The following VTI1A variants were observed in gnomAD, a reference collection of about 807,000 sequenced individuals.
VTI1A encodes vesicle transport through interaction with t-SNAREs homolog 1A.
In VTI1A, 22 loss-of-function variants were observed where a neutral mutation model predicts 34.9. The ratio of observed to expected loss-of-function variants is 0.63; its 90% CI spans 0.45 to 0.90. VTI1A has a LOEUF of 0.90. Ranked by LOEUF, VTI1A falls within the 40% of genes least tolerant of loss-of-function variation. The pLI is 0.00. For missense variants in VTI1A, 268 were observed against 275.6 expected (o/e 0.97, Z 0.20); for synonymous variants, 87 against 97.3 (o/e 0.89, Z 0.62).
chr10:112,700,131 A>AC lies in VTI1A; in HGVS notation c.560+31133_560+31134insC, dbSNP rs1435501400. Reference sequence around the variant, plus strand: ...AGACTCCATCTCAAAAAAAAAAAAAAAAAACAAAACAAAAAAAAAAAAACA... The same window carrying AC: ...AGACTCCATCTCAAAAAAAAAAAAAACAAAACAAAACAAAAAAAAAAAAACA... On this transcript the variant is annotated intron_variant, in intron 7 of 7. Coordinates refer to ENST00000393077, the MANE Select transcript of VTI1A (RefSeq NM_145206.4). Among the ~76,000 whole-genome samples the AC allele has an allele frequency of 3.4e-3, 475 of 140,038 alleles. 3 individuals carry two copies. Among genetic ancestry groups the AC allele is most frequent in the South Asian group, 0.011 (50 of 4,752 alleles). 91.9% of individuals were successfully genotyped at this position (140,038 alleles called of 152,430 possible). A position where few individuals can be genotyped will look rare whatever the true frequency, so the allele number is the denominator to read the frequency against.
At chr10:112,632,012 T>C (rs1232111953) in intron 5 of VTI1A, among the ~76,000 whole-genome samples, 1 of 152,186 alleles carries the variant, frequency 6.6e-6, no homozygotes, top group East Asian at 1.9e-4. Context: ...ACAATATAAT[T>C]GTAATTGTAA....
At chr10:112,670,741 T>C (rs1449265438) in intron 7 of VTI1A, among the ~76,000 whole-genome samples, 1 of 152,220 alleles carries the variant, frequency 6.6e-6, no homozygotes, top group Non-Finnish European at 1.5e-5. Context: ...TGGTGAAATC[T>C]ACATGGGGTT....
chr10:112,652,278 A>C (rs1250977583), intron 5 of VTI1A, among the ~76,000 whole-genome samples: 1 of 152,218 alleles, frequency 6.6e-6, no homozygotes, highest in Non-Finnish European at 1.5e-5. Context: ...GTGAAAACAG[A>C]CTAGAGCGGT....
intron 5 of VTI1A, among the ~76,000 whole-genome samples, chr10:112,579,009 A>G (rs1438036533): frequency 6.6e-6 from 1 of 152,254 alleles, no homozygotes; most frequent in Non-Finnish European, 1.5e-5. Context: ...TCTTTATAGA[A>G]AAGAATATGA....
chr10:112,816,348 ATATGGGAGAGTCC>A lies in VTI1A; in HGVS notation c.*969_*981del, dbSNP rs1853521758. On this transcript the variant is annotated 3_prime_UTR_variant, in exon 8 of 8. Coordinates refer to ENST00000393077, the MANE Select transcript of VTI1A (RefSeq NM_145206.4). ...TGTGAAATTTCAAATGTGATTATAA[ATATGGGAGAGTCC>A]TATAGGAGGGTCCACCAGAGATAAA... The A allele has an allele frequency of 4.5e-6, 1 of 219,890 alleles. No individual in the cohort carries two copies. Among genetic ancestry groups the A allele is most frequent in the Non-Finnish European group, 9.1e-6 (1 of 109,686 alleles). The allele number at this position is 219,890 out of a possible 1,614,324, so 13.6% of individuals were successfully genotyped here.
chr10:112,654,353 T>G (rs974386440), intron 5 of VTI1A, among the ~76,000 whole-genome samples: 1 of 152,182 alleles, frequency 6.6e-6, no homozygotes, highest in Non-Finnish European at 1.5e-5. Context: ...CCTTTTATTT[T>G]TTTACAGGAC....
intron 7 of VTI1A, among the ~76,000 whole-genome samples, chr10:112,670,785 C>T (rs1847819251): frequency 6.6e-6 from 1 of 152,164 alleles, no homozygotes; most frequent in African/African-American, 2.4e-5. Context: ...ATCACTGACT[C>T]ATCTTCTTTT....
At chr10:112,487,429 T>C (rs1848680257) in intron 3 of VTI1A, among the ~76,000 whole-genome samples, 1 of 152,196 alleles carries the variant, frequency 6.6e-6, no homozygotes, top group Non-Finnish European at 1.5e-5. Context: ...TGGCCTAATC[T>C]TGCATTTTTG....
intron 7 of VTI1A, among the ~76,000 whole-genome samples, chr10:112,728,983 C>T (rs1850147644): frequency 6.6e-6 from 1 of 152,136 alleles, no homozygotes; most frequent in Non-Finnish European, 1.5e-5. Context: ...AGAACCAGGT[C>T]TAACTTCTCA....
At chr10:112,572,074 T>C (rs1479915054) in intron 5 of VTI1A, among the ~76,000 whole-genome samples, 2 of 152,118 alleles carry the variant, frequency 1.3e-5, no homozygotes, top group Non-Finnish European at 2.9e-5. Context: ...ACCTCAAACC[T>C]TGGCATCACA....
At chr10:112,536,763 C>A (rs987585062) in intron 4 of VTI1A, among the ~76,000 whole-genome samples, 1 of 150,518 alleles carries the variant, frequency 6.6e-6, no homozygotes, top group East Asian at 2.0e-4. Flanking sequence ...CCCTTCCCCC[C>A]AAAAAAATTT....
intron 5 of VTI1A, among the ~76,000 whole-genome samples, chr10:112,642,188 A>G (rs1474167571): frequency 6.6e-6 from 1 of 152,210 alleles, no homozygotes; most frequent in African/African-American, 2.4e-5. Flanking sequence ...CTCTAGGAAC[A>G]TTTCTAAAAT....
At chr10:112,520,736 T>C (rs1320041720) in intron 3 of VTI1A, among the ~76,000 whole-genome samples, 2 of 150,976 alleles carry the variant, frequency 1.3e-5, no homozygotes, top group Non-Finnish European at 3.0e-5. Flanking sequence ...TAAAAAGTAA[T>C]TTAGGGGAAA....
chr10:112,450,572 T>C (rs1008942120), intron 1 of VTI1A: 1 of 152,138 alleles, frequency 6.6e-6, no homozygotes, highest in African/African-American at 2.4e-5. Flanking sequence ...GGTAGATCTA[T>C]TGAAATGAAC....
intron 3 of VTI1A, among the ~76,000 whole-genome samples, chr10:112,477,456 G>T (rs1311355537): frequency 6.6e-6 from 1 of 152,210 alleles, no homozygotes; most frequent in African/African-American, 2.4e-5. Flanking sequence ...CATCAAAGAA[G>T]ATTCTAAGGA....
At chr10:112,560,112 T>A (rs1851672461) in intron 5 of VTI1A, among the ~76,000 whole-genome samples, 1 of 152,224 alleles carries the variant, frequency 6.6e-6, no homozygotes, top group African/African-American at 2.4e-5. Flanking sequence ...GCCTTCTGAC[T>A]CTAGAAAGAT....
At chr10:112,752,299 T>A (rs1851131187) in intron 7 of VTI1A, 1 of 927,878 alleles carries the variant, frequency 1.1e-6, no homozygotes, top group East Asian at 1.2e-4. Context: ...GGTCCCCTTC[T>A]CTGTTGTCAT....
At chr10:112,757,035 G>A (rs1486526205) in intron 7 of VTI1A, among the ~76,000 whole-genome samples, 1 of 132,914 alleles carries the variant, frequency 7.5e-6, no homozygotes, top group African/African-American at 3.3e-5. Flanking sequence ...GACAGAGTGA[G>A]ACCTTGCCTC....
chr10:112,572,796 G>A (rs979070397), intron 5 of VTI1A, among the ~76,000 whole-genome samples: 3 of 148,146 alleles, frequency 2.0e-5, no homozygotes, highest in South Asian at 2.1e-4. Context: ...CCGAGATCGC[G>A]CCACTACACT....
Sources: gnomAD v4.1 joint callset for allele counts (sites outside exome capture counted in the v4.1 genomes callset) on GRCh38, gnomAD v4.1.1 for gene constraint, MANE v1.5 for transcripts, NCBI Gene and HGNC (gene_info 2026-07-23, HGNC 2026-07-21) for gene names.